Variants in FTL observed in about 807,000 individuals in gnomAD.
FTL encodes the protein epididymis secretory sperm binding protein.
In FTL, 17 loss-of-function variants were observed where a neutral mutation model predicts 16.6. The ratio of observed to expected loss-of-function variants is 1.02; its 90% CI spans 0.70 to 1.53. The LOEUF is 1.53. FTL is among the 40% of genes most tolerant of loss of function. The pLI is 0.00. For missense variants in FTL, 186 were observed against 226.1 expected, an observed-to-expected ratio of 0.82 and a Z score of 1.14; for synonymous variants, 73 against 89.9, an observed-to-expected ratio of 0.81 and a Z score of 1.06.
In FTL at chr19:48,966,681, G is replaced by A. The variant is rs758414077; in HGVS notation, c.474G>A (p.Pro158=). The change falls in exon 4 of 4, where the codon CCG becomes CCA. Residue 158 remains proline (P), a synonymous_variant. Transcript: ENST00000331825. ...HLTNLHRLGG[P]EAGLGEYLFE... is the part of the protein sequence containing the mutation. The stretch of plus-strand genomic sequence containing the variant: ...CCAACCTCCACAGGCTGGGTGGCCC[G>A]GAGGCTGGGCTGGGCGAGTATCTCT... The A allele has an allele frequency of 1.4e-5, 22 of 1,613,694 alleles. No homozygotes were observed. Among genetic ancestry groups the A allele is most frequent in the African/African-American group, 9.3e-5 (7 of 74,896 alleles).
At chr19:48,966,516 C>G in intron 3 of FTL, 67 bp from the exon 4 acceptor site, 1 of 1,611,506 alleles carries the variant, frequency 6.2e-7, no homozygotes, top group African/African-American at 1.3e-5. Context: ...TTTTAATCTG[C>G]AACTGGCTGC....
In FTL at chr19:48,965,503, C is replaced by T; in HGVS notation, c.-5C>T. ...TTGTGGTTAGCTCCTTCTTGCCAAC[C>T]AACCATGAGCTCCCAGATTCGTCAG... On this transcript the variant is annotated 5_prime_UTR_variant, in exon 1 of 4. Transcript: ENST00000331825. The T allele has an allele frequency of 6.2e-7, 1 of 1,610,814 alleles. No individual in the cohort carries two copies. The highest frequency in any genetic ancestry group is 1.3e-5 in the African/African-American group (1 of 74,996).
rs1311289629 is a variant in FTL, at chr19:48,966,755, A to T, written c.*20A>T. The stretch of plus-strand genomic sequence containing the variant: ...GACTAAGAGCCTTCTGAGCCCAGCG[A>T]CTTCTGAAGGGCCCCTTGCAAAGTA... On this transcript the variant is annotated 3_prime_UTR_variant, in exon 4 of 4. Coordinates refer to ENST00000331825, the MANE Select transcript of FTL (RefSeq NM_000146.4). 1 of 1,611,946 alleles carries T rather than the reference A, an allele frequency of 6.2e-7. No individual in the cohort carries two copies. The highest frequency in any genetic ancestry group is 1.3e-5 in the African/African-American group (1 of 74,858).
chr19:48,966,205 A>G (rs2038452148), intron 2 of FTL, 76 bp from the exon 3 acceptor site: 3 of 1,605,778 alleles, frequency 1.9e-6, no homozygotes, highest in African/African-American at 1.3e-5. Context: ...CTGACCCCCA[A>G]CGACTCTTGG....
chr19:48,966,010 G>A (rs770135849), intron 2 of FTL, 94 bp downstream of exon 2: 22 of 1,499,470 alleles, frequency 1.5e-5, no homozygotes, highest in Non-Finnish European at 2.0e-5. Context: ...TGGGCTTCTG[G>A]GAGATTGAGT....
chr19:48,966,781 A>G lies in FTL; in HGVS notation c.*46A>G. On this transcript the variant is annotated 3_prime_UTR_variant, in exon 4 of 4. Transcript: ENST00000331825. ...CTTCTGAAGGGCCCCTTGCAAAGTA[A>G]TAGGGCTTCTGCCTAAGCCTCTCCC... 1 of 1,602,772 alleles carries G rather than the reference A, an allele frequency of 6.2e-7. No individual in the cohort carries two copies. The highest frequency in any genetic ancestry group is 1.1e-5 in the South Asian group (1 of 90,796).
In FTL at chr19:48,966,664, C is replaced by T. The variant is rs11553214; in HGVS notation, c.457C>T (p.His153Tyr). Residue 153 changes from histidine (H) to tyrosine (Y), a missense_variant, in exon 4 of 4, where the codon CAC becomes TAC. By Grantham distance (83) the His-to-Tyr change is moderately conservative. Transcript: ENST00000331825. ...GATGGGTGACCACCTGACCAACCTC[C>T]ACAGGCTGGGTGGCCCGGAGGCTGG... ...KKMGDHLTNL[H>Y]RLGGPEAGLG... 6.2e-7 allele frequency: 1 copy of T among 1,613,868 alleles called. No homozygotes were observed. The highest frequency in any genetic ancestry group is 2.2e-5 in the East Asian group (1 of 44,884).
intron 2 of FTL, 101 bp from the exon 3 acceptor site, chr19:48,966,180 T>C: frequency 6.5e-7 from 1 of 1,535,906 alleles, no homozygotes; most frequent in South Asian, 1.1e-5. Context: ...TCACATGTCT[T>C]TGTGGCCTGG....
At chr19:48,966,461 C>T in intron 3 of FTL, 55 bp downstream of exon 3, 1 of 1,614,092 alleles carries the variant, frequency 6.2e-7, no homozygotes, top group Non-Finnish European at 8.5e-7. Context: ...GCCTCTGCTC[C>T]CTTTGGGCAA....
At chr19:48,966,118 C>A in intron 2 of FTL, 163 bp from the exon 3 acceptor site, 1 of 1,228,428 alleles carries the variant, frequency 8.1e-7, no homozygotes, top group Non-Finnish European at 1.2e-6. Context: ...GTCTTAGGGA[C>A]GTATAGCTGT....
In FTL at chr19:48,965,324, C is replaced by G. The variant is rs955876864; in HGVS notation, c.-184C>G. 4 of 632,264 alleles carry G rather than the reference C, an allele frequency of 6.3e-6. 1 individual carries two copies. The highest frequency in any genetic ancestry group is 4.9e-5 in the South Asian group (3 of 61,060). 39.2% of individuals were successfully genotyped at this position (632,264 alleles called of 1,614,324 possible). A position where few individuals can be genotyped will look rare whatever the true frequency, so the allele number is the denominator to read the frequency against. Reference sequence around the variant, plus strand: ...ACGTCCCCTCGCAGTTCGGCGGTCCCGCGGGTCTGTCTCTTGCTTCAACAG... The same window carrying G: ...ACGTCCCCTCGCAGTTCGGCGGTCCGGCGGGTCTGTCTCTTGCTTCAACAG... On this transcript the variant is annotated 5_prime_UTR_variant, in exon 1 of 4. Coordinates refer to ENST00000331825, the MANE Select transcript of FTL (RefSeq NM_000146.4).
chr19:48,966,045 G>A, intron 2 of FTL, 129 bp downstream of exon 2: 1 of 1,310,234 alleles, frequency 7.6e-7, no homozygotes, highest in Non-Finnish European at 1.1e-6. Context: ...CCTCTTAACC[G>A]CTGGAAATAG....
chr19:48,965,364 A>T lies in FTL; in HGVS notation c.-144A>T, dbSNP rs1180658002. The T allele has an allele frequency of 1.3e-5, 9 of 703,518 alleles. No homozygotes were observed. The highest frequency in any genetic ancestry group is 2.1e-5 in the Non-Finnish European group (8 of 387,254). 43.6% of individuals were successfully genotyped at this position (703,518 alleles called of 1,614,324 possible). Reference sequence around the variant, plus strand: ...TGCTTCAACAGTGTTTGGACGGAACAGATCCGGGGACTCTCTTCCAGCCTC... The same window carrying T: ...TGCTTCAACAGTGTTTGGACGGAACTGATCCGGGGACTCTCTTCCAGCCTC... On this transcript the variant is annotated 5_prime_UTR_variant, in exon 1 of 4. Transcript: ENST00000331825.
At chr19:48,966,244 G>A in intron 2 of FTL, 37 bp from the exon 3 acceptor site, 1 of 1,613,648 alleles carries the variant, frequency 6.2e-7, no homozygotes. Flanking sequence ...TATGTGCCGA[G>A]TGTGTGTATT....
chr19:48,965,556 G>A lies in FTL; in HGVS notation c.49G>A (p.Val17Ile), dbSNP rs1335371840. The change falls in exon 1 of 4, where the codon GTC (valine) becomes ATC (isoleucine). Residue 17 changes from valine (V) to isoleucine (I), a missense_variant. Val to Ile is a conservative substitution (Grantham distance 29). Coordinates refer to ENST00000331825, the MANE Select transcript of FTL (RefSeq NM_000146.4). ...TTATTCCACCGACGTGGAGGCAGCCGTCAACAGCCTGGTCAATTTGTACCT... is the reference window on the plus strand; with the variant it reads ...TTATTCCACCGACGTGGAGGCAGCCATCAACAGCCTGGTCAATTTGTACCT... Reference protein sequence around the residue: ...QNYSTDVEAAVNSLVNLYLQA... With the variant: ...QNYSTDVEAAINSLVNLYLQA... 1.7e-5 allele frequency: 28 copies of A among 1,613,902 alleles called. No homozygotes were observed. The highest frequency in any genetic ancestry group is 2.3e-5 in the Non-Finnish European group (27 of 1,179,954).
intron 2 of FTL, 118 bp downstream of exon 2, chr19:48,966,034 C>T (rs1330632626): frequency 2.2e-6 from 3 of 1,359,004 alleles, no homozygotes; most frequent in Non-Finnish European, 3.1e-6. Flanking sequence ...GTCTTGTGAG[C>T]CCTCTTAACC....
Position 48,965,752 on chromosome 19 carries a change from CTCCATCTCTTCCCG to C in FTL, c.103-16_103-3del. ...CTCGCCTCCCGCTAACCATTGTTGC[CTCCATCTCTTCCCG>C]TAGGGCTTCTATTTCGACCGCGATG... is the stretch of plus-strand genomic sequence containing the variant. On this transcript the variant is annotated splice_polypyrimidine_tract_variant and splice_region_variant and intron_variant, in intron 1 of 3. Coordinates refer to ENST00000331825, the MANE Select transcript of FTL (RefSeq NM_000146.4). 6.2e-6 allele frequency: 10 copies of C among 1,614,156 alleles called. No individual in the cohort carries two copies. In the Middle Eastern group the frequency reaches 4.9e-4, roughly 80 times the overall value.
chr19:48,966,816 T>C lies in FTL; in HGVS notation c.*81T>C, dbSNP rs11553313. On this transcript the variant is annotated 3_prime_UTR_variant, in exon 4 of 4. Coordinates refer to ENST00000331825, the MANE Select transcript of FTL (RefSeq NM_000146.4). Reference sequence around the variant, plus strand: ...TGCCTAAGCCTCTCCCTCCAGCCAATAGGCAGCTTTCTTAACTATCCTAAC... The same window carrying C: ...TGCCTAAGCCTCTCCCTCCAGCCAACAGGCAGCTTTCTTAACTATCCTAAC... 1.4e-6 allele frequency: 2 copies of C among 1,444,542 alleles called. No individual in the cohort carries two copies. Among genetic ancestry groups the C allele is most frequent in the Non-Finnish European group, 1.9e-6 (2 of 1,032,814 alleles). The allele number at this position is 1,444,542 out of a possible 1,614,324, so 89.5% of individuals were successfully genotyped here.
chr19:48,966,413 AC>A lies in FTL; in HGVS notation c.375+10del. The A allele has an allele frequency of 2.5e-6, 4 of 1,614,054 alleles. No individual in the cohort carries two copies. The highest frequency in any genetic ancestry group is 3.4e-6 in the Non-Finnish European group (4 of 1,180,000). ...TGCCCGCACGGACCCCCATGTACGT[AC>A]CCGCTGCATCCATGGCTACCCAACC... On this transcript the variant is annotated splice_region_variant and intron_variant, in intron 3 of 3. Coordinates refer to ENST00000331825, the MANE Select transcript of FTL (RefSeq NM_000146.4).
Sources: gnomAD v4.1 joint callset for allele counts on GRCh38, gnomAD v4.1.1 for gene constraint, MANE v1.5 for transcripts, NCBI Gene and HGNC (gene_info 2026-07-23, HGNC 2026-07-21) for gene names.